Variants in FIGN observed in about 807,000 individuals in gnomAD.
FIGN encodes fidgetin, microtubule severing factor, also known as fidgetin.
FIGN carries 11 observed loss-of-function variants against 51.3 expected under a neutral mutation model. The observed-to-expected ratio is 0.21, with a 90% CI of 0.13 to 0.35. The LOEUF (loss-of-function observed/expected upper bound fraction) is 0.35. FIGN is among the 10% of genes least tolerant of loss of function. The pLI is 1.00. For synonymous variants in FIGN, 407 were observed against 363.2 expected (o/e 1.12, Z -1.37); for missense variants, 857 against 943.6 (o/e 0.91, Z 1.20).
chr2:163,610,715 A>G lies in FIGN; in HGVS notation c.1117T>C (p.Ser373Pro), dbSNP rs376287623. The change falls in exon 3 of 3, where the codon TCC becomes CCC. Residue 373 changes from serine (S) to proline (P), a missense_variant. By Grantham distance (74) the Ser-to-Pro change is moderately conservative (BLOSUM62 -1). This residue lies in a region of FIGN where 799 missense variants were observed against 849.5 expected (regional missense o/e 0.94). Coordinates refer to ENST00000333129, the MANE Select transcript of FIGN (RefSeq NM_018086.4). ...NGFDRSAETS[S>P]LAFKPTKQLM... ...TGCTTCGTTGGCTTAAATGCTAAGG[A>G]TGATGTTTCAGCACTTCTGTCAAAG... The G allele has an allele frequency of 4.3e-6, 7 of 1,614,174 alleles. No individual in the cohort carries two copies. Among genetic ancestry groups the G allele is most frequent in the Non-Finnish European group, 5.1e-6 (6 of 1,180,018 alleles).
At position 163,607,934 on chromosome 2, in the gene FIGN, G is replaced by T. The variant is rs1691146041; in HGVS notation, c.*1618C>A. On this transcript the variant is annotated 3_prime_UTR_variant, in exon 3 of 3. Coordinates refer to ENST00000333129, the MANE Select transcript of FIGN (RefSeq NM_018086.4). Reference sequence around the variant, plus strand: ...CTTGACAGAGAGCAGGAGAAAAATAGGAAATTAAGAAAAATGCCACTTATG... The same window carrying T: ...CTTGACAGAGAGCAGGAGAAAAATATGAAATTAAGAAAAATGCCACTTATG... 1 of 152,588 alleles carries T rather than the reference G, an allele frequency of 6.6e-6. No individual in the cohort carries two copies. Among genetic ancestry groups the T allele is most frequent in the African/African-American group, 2.4e-5 (1 of 41,420 alleles). The allele number at this position is 152,588 out of a possible 1,614,324, so 9.5% of individuals were successfully genotyped here.
In FIGN at chr2:163,641,098, G is replaced by A. The variant is rs76238502; in HGVS notation, c.26-29292C>T. Among the ~76,000 whole-genome samples the A allele has an allele frequency of 4.1e-4, 63 of 152,298 alleles. No homozygotes were observed. In the East Asian group the frequency reaches 0.011, roughly 26 times the overall value. On this transcript the variant is annotated intron_variant, in intron 2 of 2. Transcript: ENST00000333129. ...CTGGGCTTTACCCAGAGGGCTTCCCGATACTTGGGGCATTCACCAATGAAG... is the reference window on the plus strand; with the variant it reads ...CTGGGCTTTACCCAGAGGGCTTCCCAATACTTGGGGCATTCACCAATGAAG...
In FIGN at chr2:163,607,181, A is replaced by G. The variant is rs1298114126; in HGVS notation, c.*2371T>C. ...GTCAGAAAATAGGTCAGCACTGTGC[A>G]AAAGTAAACTTGTCAGTGAGATCAA... is the stretch of plus-strand genomic sequence containing the variant. On this transcript the variant is annotated 3_prime_UTR_variant, in exon 3 of 3. Coordinates refer to ENST00000333129, the MANE Select transcript of FIGN (RefSeq NM_018086.4). 1 of 152,248 alleles carries G rather than the reference A, an allele frequency of 6.6e-6. No individual in the cohort carries two copies. Among genetic ancestry groups the G allele is most frequent in the Non-Finnish European group, 1.5e-5 (1 of 68,044 alleles). 9.4% of individuals were successfully genotyped at this position (152,248 alleles called of 1,614,324 possible).
At chr2:163,694,799 C>A (rs1302496531) in intron 2 of FIGN, among the ~76,000 whole-genome samples, 2 of 152,190 alleles carry the variant, frequency 1.3e-5, no homozygotes, top group Non-Finnish European at 2.9e-5. Context: ...CCTCCATCAT[C>A]TTACAGTCCT....
intron 2 of FIGN, among the ~76,000 whole-genome samples, chr2:163,685,093 C>A (rs1289165457): frequency 6.6e-6 from 1 of 151,992 alleles, no homozygotes; most frequent in African/African-American, 2.4e-5. Flanking sequence ...TGAACTGTAA[C>A]TTTCTTTAAG....
intron 2 of FIGN, among the ~76,000 whole-genome samples, chr2:163,660,746 TGTATAC>T (rs1309160297): frequency 2.0e-4 from 21 of 106,948 alleles, no homozygotes; most frequent in African/African-American, 7.3e-4. Flanking sequence ...TACATATATA[TGTATAC>T]ACATATACAT....
At chr2:163,708,857 T>G (rs1246169765) in intron 2 of FIGN, among the ~76,000 whole-genome samples, 1 of 152,052 alleles carries the variant, frequency 6.6e-6, no homozygotes, top group Non-Finnish European at 1.5e-5. Context: ...AGTAAGGAAG[T>G]TAAAGGAATT....
intron 2 of FIGN, among the ~76,000 whole-genome samples, chr2:163,664,853 C>G (rs923591336): frequency 1.3e-5 from 2 of 152,218 alleles, no homozygotes; most frequent in Non-Finnish European, 2.9e-5. Flanking sequence ...AACGTGGGTT[C>G]TAACATTGCG....
intron 2 of FIGN, among the ~76,000 whole-genome samples, chr2:163,643,216 A>G (rs1683329814): frequency 6.6e-6 from 1 of 152,238 alleles, no homozygotes; most frequent in African/African-American, 2.4e-5. Context: ...GAGAGTCTAG[A>G]AATAAATGCA....
At chr2:163,663,491 C>T (rs1683724246) in intron 2 of FIGN, among the ~76,000 whole-genome samples, 1 of 151,726 alleles carries the variant, frequency 6.6e-6, no homozygotes, top group Non-Finnish European at 1.5e-5. Context: ...CCCACCGCCA[C>T]ACCTGGCTAA....
intron 2 of FIGN, among the ~76,000 whole-genome samples, chr2:163,639,243 AT>A (rs1320638766): frequency 6.6e-6 from 1 of 152,070 alleles, no homozygotes; most frequent in African/African-American, 2.4e-5. Flanking sequence ...AATTCTCAGA[AT>A]TTTTTTACAA....
At chr2:163,734,669 C>T (rs1252908111) in intron 2 of FIGN, among the ~76,000 whole-genome samples, 1 of 150,534 alleles carries the variant, frequency 6.6e-6, no homozygotes, top group African/African-American at 2.4e-5. Context: ...TTCTGGATGA[C>T]AGCTAAAACC....
intron 2 of FIGN, among the ~76,000 whole-genome samples, chr2:163,626,937 C>T (rs1425559207): frequency 6.6e-6 from 1 of 152,146 alleles, no homozygotes; most frequent in Non-Finnish European, 1.5e-5. Context: ...TGGCAGTTTA[C>T]AAATGCCTTG....
Position 163,610,779 on chromosome 2 carries a change from C to T in FIGN, c.1053G>A (p.Met351Ile), listed in dbSNP as rs1461946308. 1.2e-6 allele frequency: 2 copies of T among 1,614,096 alleles called. No individual in the cohort carries two copies. The highest frequency in any genetic ancestry group is 1.7e-6 in the Non-Finnish European group (2 of 1,180,006). ...QRSTQSPMYRMPDNSISNTNR... is the reference protein window; with the variant it reads ...QRSTQSPMYRIPDNSISNTNR... ...TTGTGTTTGAAATGCTGTTGTCGGG[C>T]ATTCTGTACATAGGACTCTGTGTAG... Residue 351 changes from methionine (M) to isoleucine (I), a missense_variant, in exon 3 of 3, where the codon ATG (methionine) becomes ATA (isoleucine). Transcript: ENST00000333129.
chr2:163,616,086 C>T (rs1021143506), intron 2 of FIGN, among the ~76,000 whole-genome samples: 4 of 152,078 alleles, frequency 2.6e-5, no homozygotes, highest in Admixed American at 1.3e-4. Context: ...ATCCATATTT[C>T]CTATATAACT....
intron 2 of FIGN, among the ~76,000 whole-genome samples, chr2:163,640,103 C>T (rs1156501057): frequency 6.6e-6 from 1 of 152,122 alleles, no homozygotes; most frequent in Non-Finnish European, 1.5e-5. Context: ...ATCATATTAC[C>T]TTTCCAATCA....
At chr2:163,620,882 C>A (rs1172930876) in intron 2 of FIGN, among the ~76,000 whole-genome samples, 1 of 62,334 alleles carries the variant, frequency 1.6e-5, no homozygotes, top group Non-Finnish European at 5.0e-5. Flanking sequence ...TGTGTGTGTT[C>A]CATTTCAACT....
chr2:163,689,367 A>G (rs1170094477), intron 2 of FIGN, among the ~76,000 whole-genome samples: 1 of 152,156 alleles, frequency 6.6e-6, no homozygotes, highest in Non-Finnish European at 1.5e-5. Context: ...TATATCACAT[A>G]TATGTCTTGA....
chr2:163,685,877 CAT>C (rs1483375232), intron 2 of FIGN, among the ~76,000 whole-genome samples: 1 of 152,120 alleles, frequency 6.6e-6, no homozygotes, highest in Non-Finnish European at 1.5e-5. Context: ...GCATTAAAGA[CAT>C]GTGGCATAAA....
Sources: allele counts gnomAD v4.1 joint callset (sites outside exome capture counted in the v4.1 genomes callset), GRCh38; gene constraint gnomAD v4.1.1; regional missense constraint gnomAD v4.1.1; transcripts MANE v1.5; gene names NCBI Gene and HGNC (gene_info 2026-07-23, HGNC 2026-07-21).